EPB41L4B: variants seen among roughly 807,000 people sequenced by gnomAD.
EPB41L4B encodes band 4.1-like protein 4B.
EPB41L4B carries 30 observed loss-of-function variants against 112.5 expected under a neutral mutation model. The ratio of observed to expected loss-of-function variants is 0.27; its 90% CI spans 0.20 to 0.36. The LOEUF (loss-of-function observed/expected upper bound fraction) is 0.36. EPB41L4B is among the 10% of genes least tolerant of loss of function. The pLI, the probability that EPB41L4B is intolerant of heterozygous loss-of-function variation, is 1.00. For synonymous variants in EPB41L4B, 408 were observed against 439.7 expected, an observed-to-expected ratio of 0.93 and a Z score of 0.90; for missense variants, 1,024 against 1,133.3, an observed-to-expected ratio of 0.90 and a Z score of 1.38.
chr9:109,235,059 G>T (rs1389277125), intron 15 of EPB41L4B, among the ~76,000 whole-genome samples: 1 of 152,182 alleles, frequency 6.6e-6, no homozygotes, highest in Non-Finnish European at 1.5e-5. Flanking sequence ...CGTAGCAGCA[G>T]AATGGACTCT....
rs3838723 is a variant in EPB41L4B, at chr9:109,295,837, G to GTT, written c.307-15918_307-15917dup. ...GTGGTTTAGGTAATTCTTTTTTTCT[G>GTT]TTTTTTTTTCTTTTTTGTGGCAAAT... On this transcript the variant is annotated intron_variant, in intron 1 of 25. Transcript: ENST00000374566. Among the ~76,000 whole-genome samples the GTT allele has an allele frequency of 1.4e-4, 21 of 149,906 alleles. No individual in the cohort carries two copies. The East Asian group carries it at 1.6e-3, about 11-fold the overall frequency.
intron 15 of EPB41L4B, among the ~76,000 whole-genome samples, chr9:109,223,732 G>C (rs1453782185): frequency 6.6e-6 from 1 of 152,032 alleles, no homozygotes; most frequent in Admixed American, 6.6e-5. Flanking sequence ...AAGTGCCTAG[G>C]GGGAGGCCGG....
At chr9:109,296,872 A>C (rs971239694) in intron 1 of EPB41L4B, among the ~76,000 whole-genome samples, 9 of 125,344 alleles carry the variant, frequency 7.2e-5, no homozygotes, top group Admixed American at 5.4e-4. Flanking sequence ...GCCATGTCTC[A>C]AAAAAAAAAA....
Position 109,320,620 on chromosome 9 carries a change from T to G in EPB41L4B, c.-174A>C. The G allele has an allele frequency of 1.3e-5, 1 of 75,882 alleles. No individual in the cohort carries two copies. Among genetic ancestry groups the G allele is most frequent in the Non-Finnish European group, 3.1e-5 (1 of 32,360 alleles). 4.7% of individuals were successfully genotyped at this position (75,882 alleles called of 1,614,324 possible). A position where few individuals can be genotyped will look rare whatever the true frequency, so the allele number is the denominator to read the frequency against. Reference sequence around the variant, plus strand: ...CCGCGCCGAGGCCGAGGCCGCGCTCTAGCCGCCTGCGGGGCGCGCCGGCCC... The same window carrying G: ...CCGCGCCGAGGCCGAGGCCGCGCTCGAGCCGCCTGCGGGGCGCGCCGGCCC... On this transcript the variant is annotated 5_prime_UTR_variant, in exon 1 of 26. Transcript: ENST00000374566.
chr9:109,180,697 G>A (rs1019922227), intron 24 of EPB41L4B, among the ~76,000 whole-genome samples: 2 of 152,084 alleles, frequency 1.3e-5, no homozygotes, highest in African/African-American at 4.8e-5. Flanking sequence ...CATCCATCTC[G>A]TAAGACTGCA....
chr9:109,194,102 T>G (rs1478127006), intron 21 of EPB41L4B, 118 bp downstream of exon 21: 23 of 1,098,310 alleles, frequency 2.1e-5, no homozygotes, highest in Non-Finnish European at 2.6e-5. Context: ...TGTTGTTTTA[T>G]GAGTATACAC....
intron 24 of EPB41L4B, among the ~76,000 whole-genome samples, chr9:109,181,189 A>G (rs184286938): frequency 1.2e-4 from 18 of 152,114 alleles, no homozygotes; most frequent in African/African-American, 4.3e-4. Context: ...TTTTGTAGGG[A>G]CAGGGTCTCT....
intron 15 of EPB41L4B, among the ~76,000 whole-genome samples, chr9:109,226,607 C>CATATATATATATATATATATAT (rs3081622): frequency 5.5e-5 from 5 of 90,830 alleles, no homozygotes; most frequent in African/African-American, 2.1e-4. Flanking sequence ...TTGGATTTTT[C>CATATATATATATATATATATAT]ATATATATAT....
intron 15 of EPB41L4B, among the ~76,000 whole-genome samples, chr9:109,238,446 A>T (rs1402945177): frequency 6.6e-6 from 1 of 152,200 alleles, no homozygotes; most frequent in Non-Finnish European, 1.5e-5. Context: ...ATGATGTATT[A>T]TTGCCTGTTA....
chr9:109,303,681 T>C (rs1837067509), intron 1 of EPB41L4B, among the ~76,000 whole-genome samples: 1 of 151,822 alleles, frequency 6.6e-6, no homozygotes, highest in Admixed American at 6.6e-5. Flanking sequence ...TTTCTTTTCT[T>C]TTTGTGGAGA....
At chr9:109,213,594 C>G in intron 17 of EPB41L4B, 106 bp downstream of exon 17, 1 of 814,558 alleles carries the variant, frequency 1.2e-6, no homozygotes, top group Non-Finnish European at 2.1e-6. Flanking sequence ...AATAGAGATC[C>G]CTCCAAGGCA....
chr9:109,251,947 T>C (rs2119010262), intron 12 of EPB41L4B, among the ~76,000 whole-genome samples: 1 of 152,330 alleles, frequency 6.6e-6, no homozygotes, highest in Non-Finnish European at 1.5e-5. Context: ...AGGTACAGCT[T>C]AGCCGCTTAC....
intron 1 of EPB41L4B, among the ~76,000 whole-genome samples, chr9:109,283,542 T>G (rs1318073617): frequency 4.0e-5 from 6 of 151,828 alleles, no homozygotes; most frequent in African/African-American, 1.5e-4. Flanking sequence ...ACATCAACAC[T>G]CCAGAATACT....
At chr9:109,314,209 G>A (rs1002095321) in intron 1 of EPB41L4B, among the ~76,000 whole-genome samples, 3 of 152,228 alleles carry the variant, frequency 2.0e-5, no homozygotes, top group Admixed American at 2.0e-4. Context: ...AAGTCAAGCA[G>A]TGGGCAAGGA....
intron 18 of EPB41L4B, among the ~76,000 whole-genome samples, chr9:109,206,091 C>T (rs899828103): frequency 6.6e-6 from 1 of 152,058 alleles, no homozygotes; most frequent in Admixed American, 6.6e-5. Flanking sequence ...TTTACTTTAC[C>T]CTTGGCAACA....
Position 109,194,339 on chromosome 9 carries a change from T to A in EPB41L4B, c.2104A>T (p.Thr702Ser), listed in dbSNP as rs375589798. Reference protein sequence around the residue: ...AEAVGVTTSTTTNTTTAATQV... With the variant: ...AEAVGVTTSTSTNTTTAATQV... Reference sequence around the variant, plus strand: ...GTGGCGGCCGTTGTGGTGTTTGTGGTTGTAGATGTGGTCACTCCCACTGCC... The same window carrying A: ...GTGGCGGCCGTTGTGGTGTTTGTGGATGTAGATGTGGTCACTCCCACTGCC... The change falls in exon 21 of 26, where the codon ACC becomes TCC. Residue 702 changes from threonine to serine, a missense_variant. Coordinates refer to ENST00000374566, the MANE Select transcript of EPB41L4B (RefSeq NM_019114.5). 6.2e-6 allele frequency: 10 copies of A among 1,614,044 alleles called. No homozygotes were observed. The highest frequency in any genetic ancestry group is 7.6e-6 in the Non-Finnish European group (9 of 1,180,016).
chr9:109,221,959 A>G (rs1833587971), intron 15 of EPB41L4B, among the ~76,000 whole-genome samples: 1 of 152,152 alleles, frequency 6.6e-6, no homozygotes, highest in Non-Finnish European at 1.5e-5. Flanking sequence ...TGCCCAACTC[A>G]GGGGGAAAGA....
intron 1 of EPB41L4B, among the ~76,000 whole-genome samples, chr9:109,309,339 A>G (rs1837330542): frequency 6.6e-6 from 1 of 152,214 alleles, no homozygotes; most frequent in Non-Finnish European, 1.5e-5. Context: ...AACCAACTTC[A>G]GCTCATTCAC....
At position 109,185,600 on chromosome 9, in the gene EPB41L4B, C is replaced by T. The variant is rs1282974866; in HGVS notation, c.2307G>A (p.Glu769=). 6.2e-7 allele frequency: 1 copy of T among 1,606,336 alleles called. No homozygotes were observed. Among genetic ancestry groups the T allele is most frequent in the East Asian group, 2.2e-5 (1 of 44,754 alleles). The change falls in exon 23 of 26, where the codon GAG becomes GAA. Residue 769 remains glutamate (E), a synonymous_variant. Coordinates refer to ENST00000374566, the MANE Select transcript of EPB41L4B (RefSeq NM_019114.5). Reference sequence around the variant, plus strand: ...GGGCACAGTGGGGGTTGCTGGCGGGCTCTGCCTGCTCACGAGGAGAGGAGA... The same window carrying T: ...GGGCACAGTGGGGGTTGCTGGCGGGTTCTGCCTGCTCACGAGGAGAGGAGA... ...MDFTEATPLA[E]PASNPHCAHS...
Sources: gnomAD v4.1 joint callset for allele counts (sites outside exome capture counted in the v4.1 genomes callset) on GRCh38, gnomAD v4.1.1 for gene constraint, MANE v1.5 for transcripts, NCBI Gene and HGNC (gene_info 2026-07-23, HGNC 2026-07-21) for gene names.